The following CD109 variants were observed in gnomAD, a reference collection of about 807,000 sequenced individuals.
CD109 encodes the protein CD109 antigen.
Under a neutral mutation model 165.8 loss-of-function variants are expected in CD109, and 149 were observed. The observed-to-expected ratio is 0.90, with a 90% CI of 0.79 to 1.03. The LOEUF (loss-of-function observed/expected upper bound fraction) is 1.03. Ranked by LOEUF, CD109 falls within the 50% of genes least tolerant of loss-of-function variation. The probability of loss-of-function intolerance (pLI) is 0.00; values close to 1 mark genes in which losing one functional copy is unlikely to be tolerated. For synonymous variants in CD109, 585 were observed against 592.1 expected (o/e 0.99, Z 0.18); for missense variants, 1,712 against 1,677.8 (o/e 1.02, Z -0.36).
At chr6:73,714,551 C>T (rs191913142) in intron 2 of CD109, among the ~76,000 whole-genome samples, 7 of 152,308 alleles carry the variant, frequency 4.6e-5, no homozygotes, top group Non-Finnish European at 8.8e-5. Context: ...TTGTAATTAC[C>T]GTCTCAGAGT....
At position 73,787,438 on chromosome 6, in the gene CD109, A is replaced by G. The variant is rs201748130; in HGVS notation, c.2542A>G (p.Met848Val). 1 of 1,610,012 alleles carries G rather than the reference A, an allele frequency of 6.2e-7. No homozygotes were observed. The highest frequency in any genetic ancestry group is 1.7e-5 in the Admixed American group (1 of 59,792). Residue 848 changes from methionine to valine, a missense_variant, in exon 21 of 33, where the codon ATG (methionine) becomes GTG (valine). By Grantham distance (21) the Met-to-Val change is conservative (BLOSUM62 1). Coordinates refer to ENST00000287097, the MANE Select transcript of CD109 (RefSeq NM_133493.5). ...SPTASDAVTQ[M>V]ILVKAEGIEK... ...CACTGCTTCTGATGCTGTCACCCAGATGATTTTAGTAAAGGTAAATATTTG... is the reference window on the plus strand; with the variant it reads ...CACTGCTTCTGATGCTGTCACCCAGGTGATTTTAGTAAAGGTAAATATTTG...
chr6:73,714,308 C>G (rs555035594), intron 2 of CD109, among the ~76,000 whole-genome samples: 1 of 152,276 alleles, frequency 6.6e-6, no homozygotes, highest in East Asian at 1.9e-4. Context: ...ATGGTGGCCT[C>G]CCTCCTGGGG....
At chr6:73,724,116 GATATTTTAAAATATTGTATTAAA>G (rs1344455787) in intron 3 of CD109, among the ~76,000 whole-genome samples, 4 of 152,092 alleles carry the variant, frequency 2.6e-5, no homozygotes, top group African/African-American at 9.7e-5. Context: ...CATTAATTTT[GATATTTTAAAATATTGTATTAAA>G]ATATTATTTT....
At chr6:73,692,341 T>G (rs1413577193), upstream of CD109, among the ~76,000 whole-genome samples, 1 of 152,202 alleles carries the variant, frequency 6.6e-6, no homozygotes, top group Admixed American at 6.5e-5. Flanking sequence ...AGAAGTTTTA[T>G]GCAAAAGAGC....
chr6:73,679,979 G>A, the CD109 span, among the ~76,000 whole-genome samples: 1 of 152,082 alleles, frequency 6.6e-6, no homozygotes, highest in African/African-American at 2.4e-5. Context: ...TGTTTTACGT[G>A]GAAAGTTTAT....
the CD109 span, among the ~76,000 whole-genome samples, chr6:73,684,520 C>T: frequency 4.0e-5 from 6 of 151,538 alleles, no homozygotes; most frequent in African/African-American, 7.3e-5. Context: ...TGCACCTGGC[C>T]AACTTTTGTC....
intron 6 of CD109, among the ~76,000 whole-genome samples, chr6:73,757,245 T>C (rs772700510): frequency 6.6e-6 from 1 of 152,188 alleles, no homozygotes; most frequent in African/African-American, 2.4e-5. Context: ...TTCATTTGAT[T>C]TGAGCTTCTT....
intron 2 of CD109, among the ~76,000 whole-genome samples, chr6:73,714,421 C>A (rs1039547970): frequency 1.3e-5 from 2 of 152,230 alleles, no homozygotes; most frequent in African/African-American, 2.4e-5. Flanking sequence ...CTGAGCTGCC[C>A]TGGTGGATGC....
intron 3 of CD109, among the ~76,000 whole-genome samples, chr6:73,724,699 A>T (rs1411849645): frequency 6.7e-6 from 1 of 148,628 alleles, no homozygotes; most frequent in Non-Finnish European, 1.5e-5. Context: ...CTGCAGCCTC[A>T]ATCTCCCAGG....
chr6:73,718,437 T>C (rs1771824908), intron 2 of CD109, among the ~76,000 whole-genome samples: 1 of 152,180 alleles, frequency 6.6e-6, no homozygotes, highest in Non-Finnish European at 1.5e-5. Flanking sequence ...ATATGCAGTT[T>C]TTTTGAGGGT....
chr6:73,799,452 G>A (rs997841203), intron 23 of CD109, among the ~76,000 whole-genome samples: 24 of 152,302 alleles, frequency 1.6e-4, no homozygotes, highest in African/African-American at 5.8e-4. Context: ...TATAAGGAAA[G>A]AGGTTTAATT....
chr6:73,732,007 G>A (rs1582074484), intron 4 of CD109, among the ~76,000 whole-genome samples: 1 of 152,322 alleles, frequency 6.6e-6, no homozygotes. Flanking sequence ...TGAGAATCAA[G>A]TTGAAGACAA....
chr6:73,733,089 A>T (rs961178430), intron 4 of CD109, among the ~76,000 whole-genome samples: 2 of 152,194 alleles, frequency 1.3e-5, no homozygotes, highest in African/African-American at 4.8e-5. Context: ...TGGGAGCAGT[A>T]ATGTGAACTC....
At chr6:73,784,566 A>T (rs1216213661) in intron 19 of CD109, among the ~76,000 whole-genome samples, 2 of 152,200 alleles carry the variant, frequency 1.3e-5, no homozygotes, top group Non-Finnish European at 2.9e-5. Flanking sequence ...CCTTCGAGTC[A>T]TGGTGACAAT....
At chr6:73,753,544 TA>T (rs1773274234) in intron 5 of CD109, among the ~76,000 whole-genome samples, 1 of 152,214 alleles carries the variant, frequency 6.6e-6, no homozygotes, top group African/African-American at 2.4e-5. Context: ...TTTTACCACA[TA>T]TGAGCACCTT....
intron 5 of CD109, among the ~76,000 whole-genome samples, chr6:73,741,787 C>T (rs1447356956): frequency 6.6e-6 from 1 of 152,174 alleles, no homozygotes; most frequent in Non-Finnish European, 1.5e-5. Context: ...TTTCCTGCCT[C>T]AGCCTCCTGA....
chr6:73,711,246 C>CT (rs534041943), intron 2 of CD109, among the ~76,000 whole-genome samples: 10 of 146,662 alleles, frequency 6.8e-5, no homozygotes, highest in African/African-American at 1.2e-4. Context: ...GTTTGACCTG[C>CT]TTTTTTTTTT....
chr6:73,736,357 A>G, intron 4 of CD109, 26 bp from the exon 5 acceptor site: 2 of 1,611,750 alleles, frequency 1.2e-6, no homozygotes, highest in South Asian at 1.1e-5. Flanking sequence ...GCCTCTACAT[A>G]CTTACATGTC....
chr6:73,798,026 CAG>C (rs370306181), intron 23 of CD109, among the ~76,000 whole-genome samples: 101 of 151,944 alleles, frequency 6.6e-4, no homozygotes, highest in African/African-American at 2.3e-3. Context: ...TGTTGTGATG[CAG>C]AGTCTCCAAC....
Sources: gnomAD v4.1 joint callset for allele counts (sites outside exome capture counted in the v4.1 genomes callset) on GRCh38, gnomAD v4.1.1 for gene constraint, MANE v1.5 for transcripts, NCBI Gene and HGNC (gene_info 2026-07-23, HGNC 2026-07-21) for gene names.